The following SCFD2 variants were observed in gnomAD, a reference collection of about 807,000 sequenced individuals.
The protein encoded by SCFD2 is sec1 family domain containing 2, also known as sec1 family domain-containing protein 2.
Under a neutral mutation model 58.9 loss-of-function variants are expected in SCFD2, and 54 were observed. That is an observed-to-expected ratio of 0.92 (90% CI 0.74 to 1.15). The LOEUF (loss-of-function observed/expected upper bound fraction) is 1.15. SCFD2 is among the 50% of genes most tolerant of loss of function. The probability of loss-of-function intolerance (pLI) is 0.00; values close to 1 mark genes in which losing one functional copy is unlikely to be tolerated. For synonymous variants in SCFD2, 321 were observed against 335.9 expected (o/e 0.96, Z 0.49); for missense variants, 805 against 836.6 (o/e 0.96, Z 0.47).
intron 5 of SCFD2, among the ~76,000 whole-genome samples, chr4:53,056,165 A>G (rs150532602): frequency 6.6e-6 from 1 of 150,494 alleles, no homozygotes; most frequent in African/African-American, 2.4e-5. Flanking sequence ...GAAGGCAAAC[A>G]GACACATTTT....
chr4:53,103,063 T>C (rs543221907), intron 5 of SCFD2, among the ~76,000 whole-genome samples: 1 of 152,072 alleles, frequency 6.6e-6, no homozygotes, highest in African/African-American at 2.4e-5. Context: ...CACTGTAAGA[T>C]TGTGGGAAGA....
chr4:53,331,865 A>G (rs1307890916), intron 2 of SCFD2, among the ~76,000 whole-genome samples: 1 of 152,304 alleles, frequency 6.6e-6, no homozygotes, highest in Non-Finnish European at 1.5e-5. Context: ...CTAATAAAGA[A>G]AAAAAGAGAG....
chr4:52,911,025 C>T (rs546228587), intron 6 of SCFD2, among the ~76,000 whole-genome samples: 31 of 151,682 alleles, frequency 2.0e-4, no homozygotes, highest in African/African-American at 7.3e-4. Context: ...AGCATGAGAA[C>T]GGACTAATGC....
chr4:52,902,859 A>G (rs1481528848), intron 7 of SCFD2, among the ~76,000 whole-genome samples: 1 of 152,206 alleles, frequency 6.6e-6, no homozygotes, highest in Non-Finnish European at 1.5e-5. Flanking sequence ...TGTTACCACT[A>G]CTTTCTGTTG....
chr4:53,235,786 T>C (rs992185079), intron 4 of SCFD2, among the ~76,000 whole-genome samples: 2 of 152,190 alleles, frequency 1.3e-5, no homozygotes, highest in Non-Finnish European at 2.9e-5. Flanking sequence ...AGCATGCGTG[T>C]GTGTGCATAC....
At chr4:52,912,377 A>G (rs1719507119) in intron 6 of SCFD2, among the ~76,000 whole-genome samples, 2 of 152,218 alleles carry the variant, frequency 1.3e-5, no homozygotes, top group South Asian at 4.1e-4. Flanking sequence ...AAAGGCAGAA[A>G]AAAATTACCT....
In SCFD2 at chr4:53,178,763, C is replaced by T. The variant is rs1166508391; in HGVS notation, c.1312-33181G>A. Among the ~76,000 whole-genome samples the T allele has an allele frequency of 1.9e-4, 29 of 152,166 alleles. No individual in the cohort carries two copies. The South Asian group carries it at 2.3e-3, about 12-fold the overall frequency. Reference sequence around the variant, plus strand: ...TTAAAAACTTTGAAAAAAAATTAGACGAATGGATAACTAGAATAACCAATG... The same window carrying T: ...TTAAAAACTTTGAAAAAAAATTAGATGAATGGATAACTAGAATAACCAATG... On this transcript the variant is annotated intron_variant, in intron 4 of 8. Transcript: ENST00000401642.
At chr4:53,208,835 C>G (rs1198923262) in intron 4 of SCFD2, among the ~76,000 whole-genome samples, 1 of 152,106 alleles carries the variant, frequency 6.6e-6, no homozygotes, top group African/African-American at 2.4e-5. Context: ...TTTAGCAAAA[C>G]TAAAAATATT....
chr4:53,160,444 G>C (rs537035151), intron 4 of SCFD2, among the ~76,000 whole-genome samples: 1 of 152,312 alleles, frequency 6.6e-6, no homozygotes, highest in Admixed American at 6.5e-5. Flanking sequence ...TGAAGTTAAA[G>C]GCAGTGGTTT....
rs549564427 is a variant in SCFD2 at position 53,252,388 on chromosome 4, A to C, written c.1311+21438T>G. Among the ~76,000 whole-genome samples, 413 of 151,298 alleles carry C rather than the reference A, an allele frequency of 2.7e-3. 1 individual carries two copies. Among genetic ancestry groups the C allele is most frequent in the African/African-American group, 9.6e-3 (395 of 41,304 alleles). On this transcript the variant is annotated intron_variant, in intron 4 of 8. Coordinates refer to ENST00000401642, the MANE Select transcript of SCFD2 (RefSeq NM_152540.4). ...TCACAGAATTGGAAAAAACTACTTT[A>C]AAGTTCATATGGAACCAAAAAAGAG...
chr4:52,936,973 T>C (rs1019864410), intron 5 of SCFD2, among the ~76,000 whole-genome samples: 1 of 152,204 alleles, frequency 6.6e-6, no homozygotes, highest in African/African-American at 2.4e-5. Context: ...GAAGGTATAG[T>C]GTCTGTGCTC....
At chr4:53,349,881 C>T (rs949912886) in intron 2 of SCFD2, among the ~76,000 whole-genome samples, 2 of 152,108 alleles carry the variant, frequency 1.3e-5, no homozygotes, top group Admixed American at 1.3e-4. Context: ...GGAAGTGGCA[C>T]AGGGTAATGG....
At chr4:53,285,899 A>G (rs1731649946) in intron 3 of SCFD2, among the ~76,000 whole-genome samples, 2 of 152,070 alleles carry the variant, frequency 1.3e-5, no homozygotes, top group African/African-American at 4.8e-5. Context: ...TGGCTGTACT[A>G]CTTCAGAAAA....
chr4:53,002,243 T>A (rs934462553), intron 5 of SCFD2, among the ~76,000 whole-genome samples: 1 of 152,198 alleles, frequency 6.6e-6, no homozygotes, highest in African/African-American at 2.4e-5. Context: ...ACTATCTCCC[T>A]TTCTCTTTAT....
rs189490164 is a variant in SCFD2, at chr4:53,295,576, T to A, written c.1135+18060A>T. On this transcript the variant is annotated intron_variant, in intron 3 of 8. Transcript: ENST00000401642. ...GTTTTCTAAATATACAATCATGTCA[T>A]CTGCAGAGAGAGACAATTTGACTTC... Among the ~76,000 whole-genome samples, 154 of 152,308 alleles carry A rather than the reference T, an allele frequency of 1.0e-3. 1 individual carries two copies. The highest frequency in any genetic ancestry group is 2.5e-3 in the Admixed American group (38 of 15,288).
chr4:52,988,289 G>A (rs1721543089), intron 5 of SCFD2, among the ~76,000 whole-genome samples: 2 of 152,330 alleles, frequency 1.3e-5, no homozygotes, highest in East Asian at 1.9e-4. Context: ...ATTCCTTAAG[G>A]ATGAACAGAA....
At chr4:53,298,412 T>C (rs895006675) in intron 3 of SCFD2, among the ~76,000 whole-genome samples, 1 of 152,142 alleles carries the variant, frequency 6.6e-6, no homozygotes, top group Non-Finnish European at 1.5e-5. Flanking sequence ...GCGCCCACCA[T>C]AGCTCAGGCT....
intron 3 of SCFD2, among the ~76,000 whole-genome samples, chr4:53,294,721 A>G (rs1249041361): frequency 2.0e-5 from 3 of 152,208 alleles, no homozygotes; most frequent in Non-Finnish European, 2.9e-5. Flanking sequence ...GACCATGCCT[A>G]TGTCCTGAAT....
rs1733225105 is a variant in SCFD2, at chr4:53,327,110, CA to C, written c.1008-13348del. On this transcript the variant is annotated intron_variant, in intron 2 of 8. Transcript: ENST00000401642. ...ACAGCAGCAGAGTTCATGTAATGAGCAGGCTGGAAACATGTTAGCACAGAGT... is the reference window on the plus strand; with the variant it reads ...ACAGCAGCAGAGTTCATGTAATGAGCGGCTGGAAACATGTTAGCACAGAGT... Among the ~76,000 whole-genome samples the C allele has an allele frequency of 3.3e-5, 5 of 151,836 alleles. No individual in the cohort carries two copies. The South Asian group carries it at 1.0e-3, about 32-fold the overall frequency.
Sources: allele counts gnomAD v4.1 joint callset (sites outside exome capture counted in the v4.1 genomes callset), GRCh38; gene constraint gnomAD v4.1.1; transcripts MANE v1.5; gene names NCBI Gene and HGNC (gene_info 2026-07-23, HGNC 2026-07-21).